The following FBXL7 variants were observed in gnomAD, a reference collection of about 807,000 sequenced individuals.
The protein encoded by FBXL7 is F-box/LRR-repeat protein 7.
In FBXL7, 12 loss-of-function variants were observed where a neutral mutation model predicts 38.3. The ratio of observed to expected loss-of-function variants is 0.31; its 90% confidence interval spans 0.20 to 0.51. The LOEUF (loss-of-function observed/expected upper bound fraction) is 0.51. Among genes scored for constraint, FBXL7 ranks in the 20% least tolerant of loss-of-function variants. FBXL7 has a pLI of 0.98. For synonymous variants in FBXL7, 297 were observed against 300.9 expected, an observed-to-expected ratio of 0.99 and a Z score of 0.13; for missense variants, 567 against 676.4, an observed-to-expected ratio of 0.84 and a Z score of 1.79.
intron 2 of FBXL7, among the ~76,000 whole-genome samples, chr5:15,740,939 CAT>C (rs1735880009): frequency 6.6e-6 from 1 of 152,094 alleles, no homozygotes; most frequent in Non-Finnish European, 1.5e-5. Flanking sequence ...ATTTATATGA[CAT>C]AAAGAATGTA....
At chr5:15,690,704 T>C (rs6554894) in intron 2 of FBXL7, among the ~76,000 whole-genome samples, 89,455 of 151,982 alleles carry the variant, frequency 0.59, 26,457 homozygotes, top group East Asian at 0.74. Context: ...AGGATAAATA[T>C]TGAATGATCT....
intron 2 of FBXL7, among the ~76,000 whole-genome samples, chr5:15,719,668 G>C (rs1175352633): frequency 6.7e-6 from 1 of 148,776 alleles, no homozygotes; most frequent in Non-Finnish European, 1.5e-5. Flanking sequence ...TCGAACAGCT[G>C]GTTAGTTCTT....
At chr5:15,730,309 A>G (rs1735548174) in intron 2 of FBXL7, among the ~76,000 whole-genome samples, 1 of 152,140 alleles carries the variant, frequency 6.6e-6, no homozygotes, top group Non-Finnish European at 1.5e-5. Context: ...TTCTTTGGCT[A>G]CTAGGAAGAT....
intron 2 of FBXL7, among the ~76,000 whole-genome samples, chr5:15,729,512 A>G (rs929196489): frequency 1.3e-5 from 2 of 152,276 alleles, no homozygotes; most frequent in East Asian, 3.9e-4. Flanking sequence ...AGAAAAAATT[A>G]CTGTTATTTC....
intron 2 of FBXL7, among the ~76,000 whole-genome samples, chr5:15,682,633 A>C (rs1313063405): frequency 6.6e-6 from 1 of 152,128 alleles, no homozygotes; most frequent in Non-Finnish European, 1.5e-5. Context: ...TAAAATCTTT[A>C]TATCCAGGTA....
intron 2 of FBXL7, among the ~76,000 whole-genome samples, chr5:15,892,926 G>C (rs552721268): frequency 6.6e-6 from 1 of 152,110 alleles, no homozygotes; most frequent in Non-Finnish European, 1.5e-5. Flanking sequence ...GACCATCCTG[G>C]CTAACAGGGT....
chr5:15,619,503 G>T (rs1354677983), intron 2 of FBXL7, among the ~76,000 whole-genome samples: 1 of 152,156 alleles, frequency 6.6e-6, no homozygotes, highest in East Asian at 1.9e-4. Context: ...CTGTTTTCTA[G>T]AACTATGTTT....
At chr5:15,733,280 A>G (rs1735660913) in intron 2 of FBXL7, among the ~76,000 whole-genome samples, 1 of 152,050 alleles carries the variant, frequency 6.6e-6, no homozygotes, top group Non-Finnish European at 1.5e-5. Context: ...TTTAGTAGAG[A>G]CGGGGTTTCA....
intron 2 of FBXL7, among the ~76,000 whole-genome samples, chr5:15,812,015 C>A (rs977154721): frequency 4.6e-5 from 7 of 152,156 alleles, no homozygotes; most frequent in African/African-American, 9.7e-5. Context: ...ATAAATCATT[C>A]TACTCTAAAG....
intron 1 of FBXL7, among the ~76,000 whole-genome samples, chr5:15,517,989 T>C (rs2082566432): frequency 6.6e-6 from 1 of 151,930 alleles, no homozygotes; most frequent in Non-Finnish European, 1.5e-5. Flanking sequence ...TTTGTTTTCG[T>C]TGTTGTTGTT....
At chr5:15,629,258 G>A (rs1740921217) in intron 2 of FBXL7, among the ~76,000 whole-genome samples, 1 of 152,092 alleles carries the variant, frequency 6.6e-6, no homozygotes, top group South Asian at 2.1e-4. Flanking sequence ...CTGGGAAACA[G>A]ACTCAGATCC....
rs1741937663 is a variant in FBXL7 at position 15,928,117 on chromosome 5, G to C, written c.355G>C (p.Asp119His). ...KEQASIDRLP[D>H]HSMVQIFSFL... ...GCAGGCCAGCATAGACCGGCTCCCGGACCACTCCATGGTGCAGATCTTCTC... is the reference window on the plus strand; with the variant it reads ...GCAGGCCAGCATAGACCGGCTCCCGCACCACTCCATGGTGCAGATCTTCTC... Residue 119 changes from aspartate (D) to histidine (H), a missense_variant, in exon 3 of 4, where the codon GAC (aspartate) becomes CAC (histidine). By Grantham distance (81) the Asp-to-His change is moderately conservative. Transcript: ENST00000504595. This position sits in a 1 kb window ranked among gnomAD's most constrained non-coding sequence, Gnocchi z 4.0. 1 of 1,611,026 alleles carries C rather than the reference G, an allele frequency of 6.2e-7. No homozygotes were observed. The highest frequency in any genetic ancestry group is 1.3e-5 in the African/African-American group (1 of 74,616).
At chr5:15,870,532 G>T (rs951633442) in intron 2 of FBXL7, among the ~76,000 whole-genome samples, 1 of 152,082 alleles carries the variant, frequency 6.6e-6, no homozygotes, top group Non-Finnish European at 1.5e-5. Context: ...TGTCAGTTAG[G>T]GTAGAGGGAA....
At chr5:15,739,030 GGT>G (rs1735828076) in intron 2 of FBXL7, among the ~76,000 whole-genome samples, 1 of 152,180 alleles carries the variant, frequency 6.6e-6, no homozygotes, top group Non-Finnish European at 1.5e-5. Context: ...CATGATATGA[GGT>G]GTCCATTTGG....
chr5:15,748,606 T>C (rs1736073994), intron 2 of FBXL7, among the ~76,000 whole-genome samples: 1 of 152,224 alleles, frequency 6.6e-6, no homozygotes, highest in South Asian at 2.1e-4. Flanking sequence ...CATGTGGAAC[T>C]ATGAGTCCCT....
chr5:15,794,867 C>T (rs562961229), intron 2 of FBXL7, among the ~76,000 whole-genome samples: 2 of 152,264 alleles, frequency 1.3e-5, no homozygotes, highest in Non-Finnish European at 2.9e-5. Flanking sequence ...AAGGTTTTTC[C>T]TCTATAGTTA....
At chr5:15,663,065 C>T (rs978996424) in intron 2 of FBXL7, among the ~76,000 whole-genome samples, 3 of 152,114 alleles carry the variant, frequency 2.0e-5, no homozygotes, top group African/African-American at 7.2e-5. Flanking sequence ...ATATGAATAG[C>T]ATTGAATCTG....
intron 1 of FBXL7, among the ~76,000 whole-genome samples, chr5:15,534,413 T>C (rs1737522128): frequency 6.6e-6 from 1 of 152,188 alleles, no homozygotes; most frequent in Non-Finnish European, 1.5e-5. Context: ...TGAAATCATA[T>C]AGTATGTAGC....
At chr5:15,771,136 G>A (rs1736719610) in intron 2 of FBXL7, among the ~76,000 whole-genome samples, 2 of 152,176 alleles carry the variant, frequency 1.3e-5, no homozygotes, top group Non-Finnish European at 2.9e-5. Context: ...CACAGAGTCG[G>A]TCATTGGTGG....
Sources: allele counts gnomAD v4.1 joint callset (sites outside exome capture counted in the v4.1 genomes callset), GRCh38; gene constraint gnomAD v4.1.1; non-coding constraint Gnocchi (gnomAD v3.1); transcripts MANE v1.5; gene names NCBI Gene and HGNC (gene_info 2026-07-23, HGNC 2026-07-21).